ZBTB38: variants seen among roughly 807,000 people sequenced by gnomAD.
The protein encoded by ZBTB38 is zinc finger and BTB domain-containing protein 38.
ZBTB38 carries 20 observed loss-of-function variants against 76.8 expected under a neutral mutation model. The ratio of observed to expected loss-of-function variants is 0.26; its 90% CI spans 0.18 to 0.38. The LOEUF is 0.38. ZBTB38 is among the 10% of genes least tolerant of loss of function. The pLI, the probability that ZBTB38 is intolerant of heterozygous loss-of-function variation, is 1.00. For missense variants in ZBTB38, 1,082 were observed against 1,482.3 expected (o/e 0.73, Z 4.43); for synonymous variants, 504 against 544.2 (o/e 0.93, Z 1.03).
chr3:141,354,014 G>A (rs955583737), intron 1 of ZBTB38, among the ~76,000 whole-genome samples: 1 of 152,046 alleles, frequency 6.6e-6, no homozygotes, highest in Admixed American at 6.6e-5. Flanking sequence ...TTCAACTCAG[G>A]CCCTCTTGGT....
At chr3:141,360,672 TTCTAG>T (rs1440000873) in intron 1 of ZBTB38, among the ~76,000 whole-genome samples, 2 of 152,168 alleles carry the variant, frequency 1.3e-5, no homozygotes, top group African/African-American at 4.8e-5. Flanking sequence ...CCCGTCATTT[TTCTAG>T]TCTAGGATTT....
At chr3:141,360,773 G>A (rs1576680338) in intron 1 of ZBTB38, among the ~76,000 whole-genome samples, 1 of 152,058 alleles carries the variant, frequency 6.6e-6, no homozygotes, top group African/African-American at 2.4e-5. Flanking sequence ...ATGTTTGGCA[G>A]CATCCCTGGC....
At chr3:141,415,340 G>A (rs1348166458) in intron 5 of ZBTB38, among the ~76,000 whole-genome samples, 1 of 152,108 alleles carries the variant, frequency 6.6e-6, no homozygotes, top group African/African-American at 2.4e-5. Context: ...ACTCTAGGGG[G>A]GCCAGGGTGG....
intron 5 of ZBTB38, among the ~76,000 whole-genome samples, chr3:141,441,191 C>G (rs1176889725): frequency 6.6e-6 from 1 of 152,162 alleles, no homozygotes; most frequent in Non-Finnish European, 1.5e-5. Context: ...AAAGCTGCTA[C>G]TTTTCACTGC....
At chr3:141,430,601 C>T (rs1398620637) in intron 5 of ZBTB38, among the ~76,000 whole-genome samples, 1 of 152,210 alleles carries the variant, frequency 6.6e-6, no homozygotes, top group Non-Finnish European at 1.5e-5. Context: ...CCAATGTAAG[C>T]TGTGATTCAC....
intron 5 of ZBTB38, among the ~76,000 whole-genome samples, chr3:141,437,080 G>A (rs1372290802): frequency 1.3e-5 from 2 of 152,072 alleles, no homozygotes; most frequent in African/African-American, 4.8e-5. Context: ...TTTGGGAGCG[G>A]GCACTGTTAA....
intron 5 of ZBTB38, among the ~76,000 whole-genome samples, chr3:141,422,237 C>T (rs2075552547): frequency 6.6e-6 from 1 of 152,220 alleles, no homozygotes; most frequent in Non-Finnish European, 1.5e-5. Flanking sequence ...AGGGGGACAG[C>T]AGAGGCCTCC....
chr3:141,345,790 C>T (rs1399119968), intron 1 of ZBTB38, among the ~76,000 whole-genome samples: 2 of 151,944 alleles, frequency 1.3e-5, no homozygotes, highest in Non-Finnish European at 2.9e-5. Context: ...TGCTAGTTTC[C>T]TTCCCATCCC....
intron 1 of ZBTB38, among the ~76,000 whole-genome samples, chr3:141,340,640 G>C (rs1943144988): frequency 6.6e-6 from 1 of 152,180 alleles, no homozygotes; most frequent in African/African-American, 2.4e-5. Context: ...GCTCACGCCT[G>C]TAATCCCAGC....
At chr3:141,367,571 T>C (rs1014541999), upstream of ZBTB38, 3 of 152,194 alleles carry the variant, frequency 2.0e-5, no homozygotes, top group African/African-American at 7.2e-5. Context: ...CTTCATTCAC[T>C]CCAGCCACTC....
intron 4 of ZBTB38, among the ~76,000 whole-genome samples, chr3:141,398,556 A>G (rs986398559): frequency 1.3e-5 from 2 of 152,168 alleles, no homozygotes; most frequent in African/African-American, 4.8e-5. Flanking sequence ...AATCTTAAAC[A>G]TATGTAGTAG....
At chr3:141,342,446 C>T (rs568076777) in intron 1 of ZBTB38, among the ~76,000 whole-genome samples, 25 of 147,712 alleles carry the variant, frequency 1.7e-4, no homozygotes, top group Admixed American at 1.3e-3. Context: ...CAAGTATATA[C>T]GTTTATTAAT....
chr3:141,355,450 C>T (rs1322795085), intron 1 of ZBTB38, among the ~76,000 whole-genome samples: 1 of 152,084 alleles, frequency 6.6e-6, no homozygotes, highest in Non-Finnish European at 1.5e-5. Context: ...AACCGCTACT[C>T]CTGCTACTCC....
intron 1 of ZBTB38, among the ~76,000 whole-genome samples, chr3:141,339,531 G>T (rs1378956165): frequency 6.6e-6 from 1 of 152,188 alleles, no homozygotes; most frequent in Non-Finnish European, 1.5e-5. Flanking sequence ...TGTGGAGAAG[G>T]TAAGATGGTA....
At position 141,442,730 on chromosome 3, in the gene ZBTB38, G is replaced by C. The variant is rs781317422; in HGVS notation, c.342G>C (p.Leu114=). 32 of 1,613,998 alleles carry C rather than the reference G, an allele frequency of 2.0e-5. No homozygotes were observed. The highest frequency in any genetic ancestry group is 2.5e-5 in the Non-Finnish European group (30 of 1,180,028). Residue 114 remains leucine, a synonymous_variant, in exon 6 of 6, where the codon CTG becomes CTC. Transcript: ENST00000321464. The surrounding 1 kb of genome is among the most constrained non-coding windows in gnomAD (Gnocchi z 6.4). ...ATCTCGCAGCTGCAGGAAAAAAGCT[G>C]GGAATATCGTTCTTGGAAGACCTTA... is the stretch of plus-strand genomic sequence containing the variant. ...VTDLAAAGKK[L]GISFLEDLTD...
intron 2 of ZBTB38, among the ~76,000 whole-genome samples, chr3:141,373,032 C>T (rs2149051326): frequency 6.6e-6 from 1 of 152,306 alleles, no homozygotes; most frequent in Admixed American, 6.5e-5. Flanking sequence ...AAGACCACCA[C>T]ATCAGGTACC....
chr3:141,429,334 G>A (rs993249769), intron 5 of ZBTB38, among the ~76,000 whole-genome samples: 1 of 151,916 alleles, frequency 6.6e-6, no homozygotes, highest in African/African-American at 2.4e-5. Flanking sequence ...TTGGGGGATC[G>A]TGAGTGCAGG....
rs2080764906 is a variant in ZBTB38 at position 141,444,123 on chromosome 3, A to G, written c.1735A>G (p.Lys579Glu). Reference sequence around the variant, plus strand: ...TATGAAATGCAAGAGAGCCCCTTATAAGAGCTACCGAAATTCTTCCTATGA... The same window carrying G: ...TATGAAATGCAAGAGAGCCCCTTATGAGAGCTACCGAAATTCTTCCTATGA... ...LPMKCKRAPY[K>E]SYRNSSYENA... The change falls in exon 6 of 6, where the codon AAG becomes GAG. Residue 579 changes from lysine to glutamate, a missense_variant. This residue lies in a region of ZBTB38 where 471 missense variants were observed against 581.0 expected (regional missense o/e 0.81). Transcript: ENST00000321464. The surrounding 1 kb of genome is among the most constrained non-coding windows in gnomAD (Gnocchi z 5.1). 2.5e-6 allele frequency: 4 copies of G among 1,613,884 alleles called. No homozygotes were observed. The South Asian group carries it at 3.3e-5, about 13-fold the overall frequency.
intron 1 of ZBTB38, among the ~76,000 whole-genome samples, chr3:141,361,472 T>A (rs1428661014): frequency 2.0e-5 from 3 of 152,204 alleles, no homozygotes; most frequent in African/African-American, 7.2e-5. Context: ...CTGAGGAAGC[T>A]GAGGCTGAGA....
Sources: gnomAD v4.1 joint callset for allele counts (sites outside exome capture counted in the v4.1 genomes callset) on GRCh38, gnomAD v4.1.1 for gene constraint, gnomAD v4.1.1 regional missense constraint, Gnocchi (gnomAD v3.1) non-coding constraint, MANE v1.5 for transcripts, NCBI Gene and HGNC (gene_info 2026-07-23, HGNC 2026-07-21) for gene names.